The following LPP variants were observed in gnomAD, a reference collection of about 807,000 sequenced individuals.
The protein encoded by LPP is lipoma-preferred partner.
Under a neutral mutation model 60.4 loss-of-function variants are expected in LPP, and 38 were observed. That is an observed-to-expected ratio of 0.63 (90% CI 0.49 to 0.83). LPP has a LOEUF of 0.83. Among genes scored for constraint, LPP ranks in the 40% least tolerant of loss-of-function variants. The pLI is 0.00. For missense variants in LPP, 902 were observed against 783.6 expected, an observed-to-expected ratio of 1.15 and a Z score of -1.80; for synonymous variants, 328 against 290.8, an observed-to-expected ratio of 1.13 and a Z score of -1.30.
chr3:188,688,018 AAC>A (rs532233020), intron 7 of LPP, among the ~76,000 whole-genome samples: 45 of 152,082 alleles, frequency 3.0e-4, no homozygotes, highest in Middle Eastern at 3.4e-3. Flanking sequence ...ATTTTTTTGA[AAC>A]ACAATTCTTA....
chr3:188,342,802 T>C (rs1349971535), intron 3 of LPP, among the ~76,000 whole-genome samples: 1 of 152,040 alleles, frequency 6.6e-6, no homozygotes, highest in African/African-American at 2.4e-5. Flanking sequence ...GCTAATATCA[T>C]ATATATATAA....
At chr3:188,503,901 G>A (rs1256630578) in intron 5 of LPP, among the ~76,000 whole-genome samples, 2 of 152,080 alleles carry the variant, frequency 1.3e-5, no homozygotes, top group Non-Finnish European at 2.9e-5. Flanking sequence ...TTAATTAGAA[G>A]GTGCCTCACT....
At chr3:188,407,797 T>TTTTTTTTTTTG in intron 4 of LPP, among the ~76,000 whole-genome samples, 1 of 132,936 alleles carries the variant, frequency 7.5e-6, no homozygotes, top group Admixed American at 7.5e-5. Context: ...TGTTTTTTTT[T>TTTTTTTTTTTG]TTTTTTTTTT....
intron 7 of LPP, among the ~76,000 whole-genome samples, chr3:188,629,989 C>T (rs997796383): frequency 4.6e-5 from 7 of 151,952 alleles, no homozygotes; most frequent in Admixed American, 1.3e-4. Context: ...AAGACTTAAA[C>T]GTAAGACCTA....
chr3:188,635,876 G>A (rs1018059012), intron 7 of LPP, among the ~76,000 whole-genome samples: 1 of 152,140 alleles, frequency 6.6e-6, no homozygotes, highest in Non-Finnish European at 1.5e-5. Context: ...AAAAAGTGGT[G>A]TCAGATTACT....
chr3:188,328,954 T>G (rs1317522503), intron 2 of LPP, among the ~76,000 whole-genome samples: 2 of 152,236 alleles, frequency 1.3e-5, no homozygotes, highest in African/African-American at 4.8e-5. Flanking sequence ...TCCCGCTTAT[T>G]GTATGTGTCT....
intron 3 of LPP, among the ~76,000 whole-genome samples, chr3:188,377,722 C>T (rs573986135): frequency 1.6e-4 from 24 of 152,338 alleles, no homozygotes; most frequent in East Asian, 1.3e-3. Flanking sequence ...AGTCATTCTC[C>T]GTCCAGCTTT....
chr3:188,592,673 C>T (rs1024794209), intron 6 of LPP, among the ~76,000 whole-genome samples: 3 of 151,448 alleles, frequency 2.0e-5, no homozygotes, highest in African/African-American at 7.3e-5. Context: ...TCCTGAGTAG[C>T]TGGGATGACA....
At chr3:188,648,834 A>G (rs1414876885) in intron 7 of LPP, among the ~76,000 whole-genome samples, 1 of 152,056 alleles carries the variant, frequency 6.6e-6, no homozygotes, top group African/African-American at 2.4e-5. Flanking sequence ...ATTGTTGGCC[A>G]GTTTGGGCCA....
intron 9 of LPP, among the ~76,000 whole-genome samples, chr3:188,808,661 T>C (rs759393146): frequency 1.3e-5 from 2 of 152,172 alleles, no homozygotes; most frequent in Admixed American, 6.6e-5. Flanking sequence ...TACTCTTTTT[T>C]GCTTTTTATT....
At chr3:188,340,797 G>A (rs931569677) in intron 2 of LPP, among the ~76,000 whole-genome samples, 2 of 151,958 alleles carry the variant, frequency 1.3e-5, no homozygotes, top group East Asian at 1.9e-4. Context: ...TTAATATTTC[G>A]GTGTTTTAAA....
At chr3:188,542,219 T>G (rs1345956147) in intron 6 of LPP, among the ~76,000 whole-genome samples, 1 of 152,222 alleles carries the variant, frequency 6.6e-6, no homozygotes, top group Non-Finnish European at 1.5e-5. Flanking sequence ...TATTAATACC[T>G]CCTCTGCTTA....
intron 2 of LPP, among the ~76,000 whole-genome samples, chr3:188,248,468 T>TATATATATATATATATATATATATATATA (rs1727806042): frequency 1.2e-5 from 1 of 84,142 alleles, no homozygotes; most frequent in African/African-American, 5.3e-5. Context: ...CAGTATAACT[T>TATATATATATATATATATATATATATATA]TATATATATA....
At position 188,378,647 on chromosome 3, in the gene LPP, C is replaced by A. The variant is rs367554230; in HGVS notation, c.-9-27465C>A. 2.0e-4 allele frequency among the ~76,000 whole-genome samples: 30 copies of A among 152,286 alleles called. 1 individual carries two copies. Among genetic ancestry groups the A allele is most frequent in the East Asian group, 1.5e-3 (8 of 5,164 alleles). On this transcript the variant is annotated intron_variant, in intron 3 of 11. Transcript: ENST00000617246. ...TTGACTAGGAAAGGGAATTCCCTGA[C>A]CCCTTGCAATTCCTGGGTGAGGTGA...
At chr3:188,768,037 T>C (rs1362149540) in intron 9 of LPP, among the ~76,000 whole-genome samples, 1 of 152,044 alleles carries the variant, frequency 6.6e-6, no homozygotes, top group Non-Finnish European at 1.5e-5. Context: ...AAAAAGACAC[T>C]CAGCATAGAT....
intron 9 of LPP, among the ~76,000 whole-genome samples, chr3:188,830,054 C>T (rs1756721043): frequency 6.7e-6 from 1 of 150,030 alleles, no homozygotes; most frequent in Non-Finnish European, 1.5e-5. Flanking sequence ...AAGTATAAAT[C>T]ATCTAAATCA....
chr3:188,454,709 GAA>G (rs1797342831), intron 4 of LPP, among the ~76,000 whole-genome samples: 1 of 152,120 alleles, frequency 6.6e-6, no homozygotes, highest in Non-Finnish European at 1.5e-5. Context: ...GGAAGCAAGA[GAA>G]AATGAGGAGG....
intron 1 of LPP, among the ~76,000 whole-genome samples, chr3:188,157,007 A>G (rs750883520): frequency 4.9e-4 from 74 of 152,194 alleles, no homozygotes; most frequent in Non-Finnish European, 7.9e-4. Flanking sequence ...TCAATTGTAA[A>G]ACACACTTTT....
intron 2 of LPP, among the ~76,000 whole-genome samples, chr3:188,232,946 C>T (rs73057683): frequency 0.017 from 2,565 of 152,142 alleles, 65 homozygotes; most frequent in African/African-American, 0.056. Flanking sequence ...ATGTAGTTGG[C>T]ACACATTAAA....
Sources: gnomAD v4.1 joint callset for allele counts (sites outside exome capture counted in the v4.1 genomes callset) on GRCh38, gnomAD v4.1.1 for gene constraint, MANE v1.5 for transcripts, NCBI Gene and HGNC (gene_info 2026-07-23, HGNC 2026-07-21) for gene names.